Variants in RALGAPA1 observed in about 807,000 individuals in gnomAD.
RALGAPA1 encodes the protein Ral GTPase activating protein catalytic subunit alpha 1.
RALGAPA1 carries 52 observed loss-of-function variants against 269.6 expected under a neutral mutation model. The ratio of observed to expected loss-of-function variants is 0.19; its 90% CI spans 0.15 to 0.24. The LOEUF (loss-of-function observed/expected upper bound fraction) is 0.24, where lower values mean the gene tolerates loss of function less well. Among genes scored for constraint, RALGAPA1 ranks in the 10% least tolerant of loss-of-function variants. The pLI is 1.00. For synonymous variants in RALGAPA1, 817 were observed against 1,008.3 expected, an observed-to-expected ratio of 0.81 and a Z score of 3.60; for missense variants, 1,917 against 3,013.9, an observed-to-expected ratio of 0.64 and a Z score of 8.52.
intron 3 of RALGAPA1, among the ~76,000 whole-genome samples, chr14:35,772,488 T>C (rs776827591): frequency 6.6e-6 from 1 of 152,192 alleles, no homozygotes; most frequent in Non-Finnish European, 1.5e-5. Context: ...ATTATACCTG[T>C]TTGGATTATT....
intron 35 of RALGAPA1, among the ~76,000 whole-genome samples, chr14:35,618,640 A>G (rs574264596): frequency 1.3e-5 from 2 of 152,260 alleles, no homozygotes; most frequent in East Asian, 1.9e-4. Flanking sequence ...AGCAAAGACA[A>G]GCATAACTAC....
At chr14:35,753,530 C>G (rs1163201556) in intron 7 of RALGAPA1, among the ~76,000 whole-genome samples, 1 of 152,062 alleles carries the variant, frequency 6.6e-6, no homozygotes, top group Non-Finnish European at 1.5e-5. Context: ...AGTATCGATA[C>G]GTGCTACAAC....
chr14:35,617,859 TTGTC>T (rs900445958), intron 35 of RALGAPA1, among the ~76,000 whole-genome samples: 1 of 151,644 alleles, frequency 6.6e-6, no homozygotes, highest in Non-Finnish European at 1.5e-5. Context: ...ACTGAGCAGA[TTGTC>T]TGCATCAAGA....
chr14:35,752,502 G>T (rs1162471005), intron 7 of RALGAPA1, among the ~76,000 whole-genome samples: 2 of 152,096 alleles, frequency 1.3e-5, no homozygotes, highest in African/African-American at 4.8e-5. Flanking sequence ...AGCATATGTG[G>T]CAGGGGTGTG....
intron 3 of RALGAPA1, among the ~76,000 whole-genome samples, chr14:35,773,344 A>G (rs1349823510): frequency 6.6e-6 from 1 of 152,102 alleles, no homozygotes; most frequent in African/African-American, 2.4e-5. Flanking sequence ...GCCCCCTACT[A>G]TAAGTAGAAC....
intron 36 of RALGAPA1, among the ~76,000 whole-genome samples, chr14:35,601,904 C>G (rs889913710): frequency 2.6e-5 from 4 of 152,154 alleles, no homozygotes; most frequent in African/African-American, 9.7e-5. Context: ...ATCATCACTA[C>G]AGTCAATTAT....
At chr14:35,650,283 G>T (rs2062731084) in intron 31 of RALGAPA1, among the ~76,000 whole-genome samples, 1 of 152,050 alleles carries the variant, frequency 6.6e-6, no homozygotes, top group Non-Finnish European at 1.5e-5. Context: ...TACTTGAATG[G>T]CTGAAGCACG....
intron 12 of RALGAPA1, among the ~76,000 whole-genome samples, chr14:35,732,913 A>G (rs1567112985): frequency 6.6e-6 from 1 of 152,232 alleles, no homozygotes; most frequent in Non-Finnish European, 1.5e-5. Flanking sequence ...ACAGATATAT[A>G]CAGAACATTT....
chr14:35,657,560 C>T (rs2063270016), intron 28 of RALGAPA1, among the ~76,000 whole-genome samples: 4 of 151,974 alleles, frequency 2.6e-5, no homozygotes. Flanking sequence ...TGCTTATATT[C>T]AACTTCTGGG....
intron 36 of RALGAPA1, among the ~76,000 whole-genome samples, chr14:35,598,225 A>G (rs1191221417): frequency 6.6e-6 from 1 of 152,012 alleles, no homozygotes; most frequent in Non-Finnish European, 1.5e-5. Context: ...TAGCATTGCT[A>G]TGTCTTCTTG....
At chr14:35,694,873 T>G (rs932843236) in intron 17 of RALGAPA1, among the ~76,000 whole-genome samples, 7 of 152,006 alleles carry the variant, frequency 4.6e-5, no homozygotes, top group Admixed American at 2.6e-4. Context: ...GGTCAAGAGT[T>G]CGAGATCAGC....
intron 4 of RALGAPA1, among the ~76,000 whole-genome samples, chr14:35,768,907 C>T (rs1277950418): frequency 6.9e-6 from 1 of 144,956 alleles, no homozygotes; most frequent in African/African-American, 2.6e-5. Context: ...ACTCGGGAGG[C>T]TGAGGCAGGA....
In RALGAPA1 at chr14:35,538,590, G is replaced by A. The variant is rs973011480; in HGVS notation, c.*1124C>T. 6.6e-6 allele frequency: 1 copy of A among 152,606 alleles called. No homozygotes were observed. The highest frequency in any genetic ancestry group is 2.4e-5 in the African/African-American group (1 of 41,450). The allele number at this position is 152,606 out of a possible 1,614,324, so 9.5% of individuals were successfully genotyped here. A position where few individuals can be genotyped will look rare whatever the true frequency, so the allele number is the denominator to read the frequency against. On this transcript the variant is annotated 3_prime_UTR_variant, in exon 42 of 42. Coordinates refer to ENST00000680220, the MANE Select transcript of RALGAPA1 (RefSeq NM_001346249.2). The stretch of plus-strand genomic sequence containing the variant: ...TATCTACTGTAAGAAAATACTTCTA[G>A]AGGGTGGAATGTATACCAACCTGGA...
intron 21 of RALGAPA1, among the ~76,000 whole-genome samples, chr14:35,680,537 A>C (rs2065337153): frequency 6.6e-6 from 1 of 152,128 alleles, no homozygotes; most frequent in Non-Finnish European, 1.5e-5. Flanking sequence ...ATACTTTTAT[A>C]TCAGCTATCA....
chr14:35,698,647 T>C (rs1314731849), intron 17 of RALGAPA1, among the ~76,000 whole-genome samples: 1 of 152,188 alleles, frequency 6.6e-6, no homozygotes, highest in Non-Finnish European at 1.5e-5. Flanking sequence ...AAGAATGGTT[T>C]GCATTAAATG....
At chr14:35,749,429 T>C (rs559268284) in intron 9 of RALGAPA1, among the ~76,000 whole-genome samples, 1 of 152,200 alleles carries the variant, frequency 6.6e-6, no homozygotes, top group South Asian at 2.1e-4. Context: ...TAGGGAAAAA[T>C]TAAGTCTTAA....
chr14:35,779,214 G>T (rs747805598), intron 1 of RALGAPA1, among the ~76,000 whole-genome samples: 1 of 152,114 alleles, frequency 6.6e-6, no homozygotes, highest in Non-Finnish European at 1.5e-5. Context: ...GTAGTTTAAA[G>T]AATTATGAAA....
At chr14:35,651,991 A>G in intron 30 of RALGAPA1, 118 bp from the exon 31 acceptor site, 1 of 676,106 alleles carries the variant, frequency 1.5e-6, no homozygotes, top group Non-Finnish European at 2.4e-6. Context: ...AATTTATTCT[A>G]AACACATTAA....
chr14:35,627,991 T>A (rs970660337), intron 33 of RALGAPA1, 40 bp from the exon 34 acceptor site: 1 of 1,517,140 alleles, frequency 6.6e-7, no homozygotes, highest in Non-Finnish European at 8.8e-7. Flanking sequence ...ATATTGCTGC[T>A]TCCTAGGGAA....
Sources: gnomAD v4.1 joint callset for allele counts (sites outside exome capture counted in the v4.1 genomes callset) on GRCh38, gnomAD v4.1.1 for gene constraint, MANE v1.5 for transcripts, NCBI Gene and HGNC (gene_info 2026-07-23, HGNC 2026-07-21) for gene names.